MYO1E: variants seen among roughly 807,000 people sequenced by gnomAD.
MYO1E encodes myosin IE.
MYO1E carries 68 observed loss-of-function variants against 151.1 expected under a neutral mutation model. That is an observed-to-expected ratio of 0.45 (90% confidence interval 0.37 to 0.55). The LOEUF is 0.55. Among genes scored for constraint, MYO1E ranks in the 20% least tolerant of loss-of-function variants. The pLI, the probability that MYO1E is intolerant of heterozygous loss-of-function variation, is 0.00. For missense variants in MYO1E, 1,363 were observed against 1,389.3 expected (o/e 0.98, Z 0.30); for synonymous variants, 601 against 501.7 (o/e 1.20, Z -2.64).
In MYO1E at chr15:59,159,181, T is replaced by C. The variant is rs1596345918; in HGVS notation, c.2786-802A>G. 6.6e-6 allele frequency among the ~76,000 whole-genome samples: 1 copy of C among 152,176 alleles called. No homozygotes were observed. Among genetic ancestry groups the C allele is most frequent in the East Asian group, 1.9e-4 (1 of 5,198 alleles). Reference sequence around the variant, plus strand: ...GCAAACACAGCAAAGGAGCTGCAGCTCTAGGGCCTGGGAGAACCGACCACG... The same window carrying C: ...GCAAACACAGCAAAGGAGCTGCAGCCCTAGGGCCTGGGAGAACCGACCACG... On this transcript the variant is annotated intron_variant, in intron 24 of 27. Transcript: ENST00000288235. This position sits in a 1 kb window ranked among gnomAD's most constrained non-coding sequence, Gnocchi z 4.4.
chr15:59,156,531 G>GT (rs1329632531), intron 25 of MYO1E, among the ~76,000 whole-genome samples: 1 of 152,206 alleles, frequency 6.6e-6, no homozygotes, highest in Non-Finnish European at 1.5e-5. Context: ...GTTTTGCTGT[G>GT]TTGCCCAGGC....
At chr15:59,363,587 T>C (rs1406730305) in intron 1 of MYO1E, among the ~76,000 whole-genome samples, 3 of 152,236 alleles carry the variant, frequency 2.0e-5, no homozygotes, top group Non-Finnish European at 2.9e-5. Context: ...TTAGCAGATC[T>C]GGCTGGTCAC....
At chr15:59,346,814 G>A (rs1341974793) in intron 1 of MYO1E, among the ~76,000 whole-genome samples, 2 of 152,044 alleles carry the variant, frequency 1.3e-5, no homozygotes, top group East Asian at 3.9e-4. Flanking sequence ...CTACTCAGGA[G>A]GCTGAGATGG....
At chr15:59,345,838 ACT>A (rs2080791212) in intron 1 of MYO1E, among the ~76,000 whole-genome samples, 1 of 152,204 alleles carries the variant, frequency 6.6e-6, no homozygotes, top group Non-Finnish European at 1.5e-5. Flanking sequence ...TTAAAGAGTT[ACT>A]GTTACTTTCC....
At chr15:59,144,468 C>G (rs1354357555) in intron 26 of MYO1E, among the ~76,000 whole-genome samples, 2 of 151,910 alleles carry the variant, frequency 1.3e-5, no homozygotes, top group African/African-American at 4.8e-5. Context: ...CGCCCGGCCT[C>G]TTTATTTTTA....
intron 1 of MYO1E, among the ~76,000 whole-genome samples, chr15:59,341,879 C>T (rs2080767777): frequency 6.6e-6 from 1 of 152,184 alleles, no homozygotes; most frequent in Non-Finnish European, 1.5e-5. Flanking sequence ...AAGGTATACA[C>T]CTACCAATGG....
intron 1 of MYO1E, among the ~76,000 whole-genome samples, chr15:59,313,643 A>G (rs1426863040): frequency 6.6e-6 from 1 of 152,214 alleles, no homozygotes; most frequent in Non-Finnish European, 1.5e-5. Flanking sequence ...GCAATTCCCA[A>G]CTTCCACCAT....
intron 6 of MYO1E, among the ~76,000 whole-genome samples, chr15:59,229,219 C>T (rs1239119814): frequency 1.3e-5 from 2 of 152,190 alleles, no homozygotes; most frequent in African/African-American, 4.8e-5. Flanking sequence ...GCTCCCAAGT[C>T]CTCCTAGCAG....
chr15:59,223,309 T>C, intron 8 of MYO1E, 118 bp from the exon 9 acceptor site: 1 of 1,110,720 alleles, frequency 9.0e-7, no homozygotes, highest in Middle Eastern at 2.6e-4. Flanking sequence ...ACAGACGAGT[T>C]ACAAAGAAAA....
rs781083762 is a variant in MYO1E, at chr15:59,207,138, C to T, written c.1530+1543G>A. The T allele has an allele frequency of 3.2e-5, 51 of 1,614,180 alleles. 1 individual carries two copies. Among genetic ancestry groups the T allele is most frequent in the Middle Eastern group, 3.3e-4 (2 of 6,062 alleles). On this transcript the variant is annotated intron_variant, in intron 14 of 27. Transcript: ENST00000288235. ...TTGAGCGTTTCACTTCCGAGAAGCCCGTTCATCACAGTAAGGTCTCCATCA... is the reference window on the plus strand; with the variant it reads ...TTGAGCGTTTCACTTCCGAGAAGCCTGTTCATCACAGTAAGGTCTCCATCA...
chr15:59,165,208 G>C (rs545724552), intron 22 of MYO1E, among the ~76,000 whole-genome samples: 1 of 152,310 alleles, frequency 6.6e-6, no homozygotes, highest in Non-Finnish European at 1.5e-5. Flanking sequence ...AGGAACCACA[G>C]CACAATTGGA....
In MYO1E at chr15:59,158,397, A is replaced by G; in HGVS notation, c.2786-18T>C. ...GGTAGGACCTGAAATAAACAAGACA[A>G]AGTTAAAACCAGTGCTACTGGTTGG... is the stretch of plus-strand genomic sequence containing the variant. On this transcript the variant is annotated intron_variant, in intron 24 of 27. Coordinates refer to ENST00000288235, the MANE Select transcript of MYO1E (RefSeq NM_004998.4). 6.5e-7 allele frequency: 1 copy of G among 1,539,044 alleles called. No homozygotes were observed. The highest frequency in any genetic ancestry group is 8.8e-7 in the Non-Finnish European group (1 of 1,135,496).
intron 19 of MYO1E, among the ~76,000 whole-genome samples, chr15:59,178,139 G>A (rs1431269889): frequency 6.6e-6 from 1 of 152,230 alleles, no homozygotes; most frequent in African/African-American, 2.4e-5. Flanking sequence ...AGCGAGGAAG[G>A]AGCCACTCTC....
intron 18 of MYO1E, among the ~76,000 whole-genome samples, chr15:59,186,784 CT>C (rs1247380284): frequency 7.2e-5 from 11 of 152,154 alleles, no homozygotes; most frequent in African/African-American, 2.4e-4. Context: ...TGGCTTACTT[CT>C]TTTTTGTTTC....
At chr15:59,313,130 T>A (rs897882734) in intron 1 of MYO1E, among the ~76,000 whole-genome samples, 1 of 152,228 alleles carries the variant, frequency 6.6e-6, no homozygotes, top group East Asian at 1.9e-4. Context: ...ACTGCTTTAG[T>A]GAGAAGACTT....
intron 4 of MYO1E, among the ~76,000 whole-genome samples, chr15:59,240,038 G>T (rs1485887796): frequency 2.0e-5 from 3 of 152,214 alleles, no homozygotes; most frequent in Non-Finnish European, 4.4e-5. Context: ...ACAGCAATTT[G>T]CTTTGTTTAC....
intron 1 of MYO1E, among the ~76,000 whole-genome samples, chr15:59,334,590 A>G (rs1198754600): frequency 6.6e-6 from 1 of 152,190 alleles, no homozygotes; most frequent in Non-Finnish European, 1.5e-5. Context: ...CACTGGTGAC[A>G]AAGTGGCAGA....
intron 25 of MYO1E, among the ~76,000 whole-genome samples, chr15:59,157,999 G>A (rs185150878): frequency 3.3e-5 from 5 of 152,304 alleles, no homozygotes; most frequent in South Asian, 2.1e-4. Context: ...TGGTTGTTAC[G>A]GACAAGGAAC....
At chr15:59,242,259 G>C (rs1431717600) in intron 4 of MYO1E, among the ~76,000 whole-genome samples, 1 of 152,128 alleles carries the variant, frequency 6.6e-6, no homozygotes, top group African/African-American at 2.4e-5. Context: ...AAAGAACAAG[G>C]GCTGCTTTGG....
Sources: gnomAD v4.1 joint callset for allele counts (sites outside exome capture counted in the v4.1 genomes callset) on GRCh38, gnomAD v4.1.1 for gene constraint, Gnocchi (gnomAD v3.1) non-coding constraint, MANE v1.5 for transcripts, NCBI Gene and HGNC (gene_info 2026-07-23, HGNC 2026-07-21) for gene names.